Variants in LSM6 observed in about 807,000 individuals in gnomAD.
LSM6 encodes the protein U6 snRNA-associated Sm-like protein LSm6.
A neutral mutation model predicts 13.5 loss-of-function variants in LSM6; 2 were observed. The ratio of observed to expected loss-of-function variants is 0.15; its 90% CI spans 0.06 to 0.47. LSM6 has a LOEUF of 0.47. Among genes scored for constraint, LSM6 ranks in the 20% least tolerant of loss-of-function variants. LSM6 has a pLI of 0.97. For missense variants in LSM6, 58 were observed against 96.4 expected (o/e 0.60, Z 1.67); for synonymous variants, 43 against 34.9 (o/e 1.23, Z -0.82).
chr4:146,189,733 G>A lies in LSM6; in HGVS notation c.*77G>A. 2 of 1,038,560 alleles carry A rather than the reference G, an allele frequency of 1.9e-6. No homozygotes were observed. The allele number at this position is 1,038,560 out of a possible 1,614,324, so 64.3% of individuals were successfully genotyped here. On this transcript the variant is annotated 3_prime_UTR_variant, in exon 4 of 4. Transcript: ENST00000296581. ...TTTTTCTAATTTTTGCTTCTTTTGT[G>A]ATACAATTTGTCCTCTTTTTATAAT...
intron 1 of LSM6, among the ~76,000 whole-genome samples, chr4:146,178,983 G>C (rs1176816747): frequency 6.6e-6 from 1 of 152,062 alleles, no homozygotes; most frequent in East Asian, 1.9e-4. Flanking sequence ...CACATAGTTG[G>C]GTTAATAAAA....
chr4:146,179,226 C>G (rs536556770), intron 1 of LSM6, among the ~76,000 whole-genome samples: 15 of 152,134 alleles, frequency 9.9e-5, no homozygotes, highest in Admixed American at 2.6e-4. Flanking sequence ...GAAGTTTTAC[C>G]AGGGTGACCC....
At chr4:146,179,802 G>A (rs562066252) in intron 1 of LSM6, among the ~76,000 whole-genome samples, 1 of 152,346 alleles carries the variant, frequency 6.6e-6, no homozygotes, top group African/African-American at 2.4e-5. Flanking sequence ...ACCCAAGCAA[G>A]TTCCTGCTTA....
chr4:146,185,521 AAAAG>A (rs1730326918), intron 2 of LSM6, among the ~76,000 whole-genome samples: 1 of 151,650 alleles, frequency 6.6e-6, no homozygotes, highest in South Asian at 2.1e-4. Context: ...AAAAAAAAAA[AAAAG>A]AAAAACTCCA....
intron 2 of LSM6, among the ~76,000 whole-genome samples, chr4:146,184,830 A>C (rs1233208574): frequency 6.6e-6 from 1 of 152,250 alleles, no homozygotes; most frequent in Non-Finnish European, 1.5e-5. Context: ...AAAAGTATAT[A>C]GAAGAAAGCC....
chr4:146,178,878 C>T (rs1730170658), intron 1 of LSM6, among the ~76,000 whole-genome samples: 1 of 152,186 alleles, frequency 6.6e-6, no homozygotes. Flanking sequence ...GGCAGCTGTA[C>T]CTGTGAAAGG....
intron 3 of LSM6, among the ~76,000 whole-genome samples, chr4:146,189,273 G>T (rs191035133): frequency 7.2e-5 from 11 of 152,168 alleles, no homozygotes; most frequent in Non-Finnish European, 1.0e-4. Context: ...GATTGCAGGC[G>T]TGAGCCACCG....
intron 1 of LSM6, among the ~76,000 whole-genome samples, chr4:146,177,692 T>C (rs1730141717): frequency 1.3e-5 from 2 of 152,218 alleles, no homozygotes; most frequent in African/African-American, 4.8e-5. Flanking sequence ...TCAACTTCCA[T>C]TGACATTTTG....
chr4:146,188,814 AAAAAAT>A (rs141730847), intron 3 of LSM6, among the ~76,000 whole-genome samples: 1,874 of 152,050 alleles, frequency 0.012, 35 homozygotes, highest in African/African-American at 0.042. Flanking sequence ...TGGTATCATT[AAAAAAT>A]AAAAATAAAA....
intron 2 of LSM6, among the ~76,000 whole-genome samples, chr4:146,184,960 A>G (rs1171454011): frequency 6.6e-6 from 1 of 152,188 alleles, no homozygotes; most frequent in East Asian, 1.9e-4. Context: ...ACGTTGAAAC[A>G]GTACATTTAG....
rs1177133673 is a variant in LSM6 at position 146,190,639 on chromosome 4, C to G, written c.*983C>G. On this transcript the variant is annotated 3_prime_UTR_variant, in exon 4 of 4. Coordinates refer to ENST00000296581, the MANE Select transcript of LSM6 (RefSeq NM_007080.3). ...TTATGTTGCTTGGCACAAGGCAGCT[C>G]CTCTGGTTATGTGACTCCTGCTGAG... is the stretch of plus-strand genomic sequence containing the variant. 3 of 152,240 alleles carry G rather than the reference C, an allele frequency of 2.0e-5. No homozygotes were observed. Among genetic ancestry groups the G allele is most frequent in the African/African-American group, 7.2e-5 (3 of 41,444 alleles). The allele number at this position is 152,240 out of a possible 1,614,324, so 9.4% of individuals were successfully genotyped here. A position where few individuals can be genotyped will look rare whatever the true frequency, so the allele number is the denominator to read the frequency against.
chr4:146,176,623 A>G (rs1345467618), intron 1 of LSM6: 1 of 151,958 alleles, frequency 6.6e-6, no homozygotes, highest in Non-Finnish European at 1.5e-5. Context: ...TACATGTTTA[A>G]TCACTTAACA....
chr4:146,183,151 T>C (rs1157775410), intron 2 of LSM6, 136 bp downstream of exon 2: 6 of 579,856 alleles, frequency 1.0e-5, no homozygotes, highest in Non-Finnish European at 1.9e-5. Context: ...CATATATCTT[T>C]TTCTATCTCT....
In LSM6 at chr4:146,183,876, T is replaced by C. The variant is rs980025813; in HGVS notation, c.94+861T>C. On this transcript the variant is annotated intron_variant, in intron 2 of 3. Coordinates refer to ENST00000296581, the MANE Select transcript of LSM6 (RefSeq NM_007080.3). ...CACTGTACTGGGTAATTTTCTTTTT[T>C]TTTTTTTTTTTTTTGAGACGGAGTC... Among the ~76,000 whole-genome samples the C allele has an allele frequency of 1.4e-3, 209 of 148,898 alleles. 2 individuals are homozygous for C. Among genetic ancestry groups the C allele is most frequent in the Middle Eastern group, 0.01 (3 of 290 alleles).
chr4:146,188,567 A>T (rs1194271841), intron 3 of LSM6, among the ~76,000 whole-genome samples: 1 of 152,178 alleles, frequency 6.6e-6, no homozygotes, highest in East Asian at 1.9e-4. Flanking sequence ...ATGTTCTTTG[A>T]TGAAGACACC....
chr4:146,183,061 A>C, intron 2 of LSM6, 46 bp downstream of exon 2: 2 of 1,319,218 alleles, frequency 1.5e-6, no homozygotes, highest in Non-Finnish European at 2.2e-6. Flanking sequence ...TGAATAAGTA[A>C]ATGTGACTTA....
At chr4:146,183,904 G>A (rs937981887) in intron 2 of LSM6, among the ~76,000 whole-genome samples, 3 of 138,098 alleles carry the variant, frequency 2.2e-5, no homozygotes, top group Middle Eastern at 4.1e-3. Context: ...ACGGAGTCTC[G>A]CTCTGTCACC....
At chr4:146,181,025 G>A (rs538109687) in intron 1 of LSM6, 1 of 152,318 alleles carries the variant, frequency 6.6e-6, no homozygotes, top group East Asian at 1.9e-4. Context: ...TCTGAGTCCT[G>A]AATGAAAAGT....
At chr4:146,181,472 A>G (rs1730229642) in intron 1 of LSM6, among the ~76,000 whole-genome samples, 1 of 152,214 alleles carries the variant, frequency 6.6e-6, no homozygotes, top group African/African-American at 2.4e-5. Flanking sequence ...AGTAACCTAG[A>G]GTTCCAGCTT....
Sources: gnomAD v4.1 joint callset for allele counts (sites outside exome capture counted in the v4.1 genomes callset) on GRCh38, gnomAD v4.1.1 for gene constraint, MANE v1.5 for transcripts, NCBI Gene and HGNC (gene_info 2026-07-23, HGNC 2026-07-21) for gene names.